Variants in RBFOX1 observed in about 807,000 individuals in gnomAD.
RBFOX1 encodes RNA binding protein fox-1 homolog 1.
A neutral mutation model predicts 57.7 loss-of-function variants in RBFOX1; 8 were observed. The ratio of observed to expected loss-of-function variants is 0.14; its 90% CI spans 0.08 to 0.25. RBFOX1 has a LOEUF of 0.25. Ranked by LOEUF, RBFOX1 falls within the 10% of genes least tolerant of loss-of-function variation. The probability of loss-of-function intolerance (pLI) is 1.00; values close to 1 mark genes in which losing one functional copy is unlikely to be tolerated. For missense variants in RBFOX1, 611 were observed against 548.5 expected (o/e 1.11, Z -1.14); for synonymous variants, 326 against 222.4 (o/e 1.47, Z -4.15).
intron 1 of RBFOX1, among the ~76,000 whole-genome samples, chr16:5,438,186 C>T (rs187259981): frequency 1.9e-4 from 29 of 152,210 alleles, no homozygotes; most frequent in South Asian, 1.7e-3. Flanking sequence ...GCTTGTTAGG[C>T]GACAAAACTA....
At chr16:5,508,345 A>T (rs888879979) in intron 2 of RBFOX1, among the ~76,000 whole-genome samples, 1 of 152,154 alleles carries the variant, frequency 6.6e-6, no homozygotes, top group Non-Finnish European at 1.5e-5. Context: ...AACTACCTGC[A>T]TCTCCCCACT....
intron 5 of RBFOX1, among the ~76,000 whole-genome samples, chr16:7,565,088 C>G (rs1311839425): frequency 1.3e-5 from 2 of 152,130 alleles, no homozygotes; most frequent in African/African-American, 2.4e-5. Flanking sequence ...GCACGAGCCC[C>G]GTTTTGAAGT....
chr16:7,281,204 T>C (rs2095537109), intron 4 of RBFOX1, among the ~76,000 whole-genome samples: 1 of 151,882 alleles, frequency 6.6e-6, no homozygotes, highest in Admixed American at 6.6e-5. Flanking sequence ...GGCTTCACTG[T>C]GTTGGCCAAG....
intron 1 of RBFOX1, among the ~76,000 whole-genome samples, chr16:6,026,319 T>C (rs1479739207): frequency 3.9e-5 from 6 of 152,238 alleles, no homozygotes; most frequent in Non-Finnish European, 7.3e-5. Flanking sequence ...TAATGAATTA[T>C]TCCATTTGAT....
At chr16:6,969,662 T>A (rs1354769130) in intron 3 of RBFOX1, among the ~76,000 whole-genome samples, 3 of 152,094 alleles carry the variant, frequency 2.0e-5, no homozygotes, top group African/African-American at 7.2e-5. Context: ...GAGGATGGCT[T>A]GAGTCTGGGA....
chr16:7,195,145 C>A (rs4354958), intron 4 of RBFOX1, among the ~76,000 whole-genome samples: 3 of 152,008 alleles, frequency 2.0e-5, no homozygotes, highest in Admixed American at 6.5e-5. Context: ...TGTTTTGTGC[C>A]TCATATTGCA....
At chr16:7,131,324 C>T (rs922949624) in intron 4 of RBFOX1, among the ~76,000 whole-genome samples, 1 of 126,802 alleles carries the variant, frequency 7.9e-6, no homozygotes, top group Non-Finnish European at 1.6e-5. Flanking sequence ...GCAGCGTGGG[C>T]ATTGCAGCGA....
chr16:7,050,980 G>A (rs2049873707), intron 3 of RBFOX1, among the ~76,000 whole-genome samples: 2 of 151,892 alleles, frequency 1.3e-5, no homozygotes, highest in Non-Finnish European at 2.9e-5. Flanking sequence ...TTTGTTTTTA[G>A]AGAAAGTCAA....
At chr16:5,537,054 C>G (rs2044729030) in intron 2 of RBFOX1, among the ~76,000 whole-genome samples, 1 of 152,190 alleles carries the variant, frequency 6.6e-6, no homozygotes, top group Non-Finnish European at 1.5e-5. Flanking sequence ...CTTTTGAGTA[C>G]TCACTGGAAG....
chr16:6,383,953 AG>A (rs2092046011), intron 2 of RBFOX1, among the ~76,000 whole-genome samples: 1 of 152,118 alleles, frequency 6.6e-6, no homozygotes, highest in African/African-American at 2.4e-5. Context: ...GGGAAAAAAA[AG>A]AGAACAATTT....
chr16:6,687,958 A>G (rs2059679294), intron 3 of RBFOX1, among the ~76,000 whole-genome samples: 1 of 152,248 alleles, frequency 6.6e-6, no homozygotes, highest in African/African-American at 2.4e-5. Flanking sequence ...CAGAAATGAA[A>G]GATGACACAT....
intron 2 of RBFOX1, among the ~76,000 whole-genome samples, chr16:6,613,532 A>G (rs184643532): frequency 1.3e-5 from 2 of 152,312 alleles, no homozygotes; most frequent in East Asian, 3.9e-4. Context: ...ATTGTAAAAT[A>G]TGATATGTTT....
chr16:5,834,241 C>T (rs1240886041), intron 3 of RBFOX1, among the ~76,000 whole-genome samples: 1 of 152,106 alleles, frequency 6.6e-6, no homozygotes, highest in Non-Finnish European at 1.5e-5. Context: ...ATATTGTACC[C>T]AGTAGGTAGT....
intron 4 of RBFOX1, among the ~76,000 whole-genome samples, chr16:5,910,157 G>A (rs959265877): frequency 6.6e-6 from 1 of 152,150 alleles, no homozygotes; most frequent in African/African-American, 2.4e-5. Flanking sequence ...ATGGGGGTTT[G>A]TGAAGCCTTT....
intron 3 of RBFOX1, among the ~76,000 whole-genome samples, chr16:5,845,455 A>G (rs1226710627): frequency 1.3e-5 from 2 of 152,098 alleles, no homozygotes; most frequent in Admixed American, 6.5e-5. Flanking sequence ...GTTTATTTCT[A>G]CAAGAAAGTC....
chr16:7,415,623 A>T (rs2098470702), intron 4 of RBFOX1, among the ~76,000 whole-genome samples: 1 of 152,186 alleles, frequency 6.6e-6, no homozygotes, highest in African/African-American at 2.4e-5. Context: ...AGAACACAGT[A>T]GGTTCCCAGC....
chr16:5,644,541 T>TAGCCCAAGCTA (rs1485307505), intron 3 of RBFOX1, among the ~76,000 whole-genome samples: 2 of 152,224 alleles, frequency 1.3e-5, no homozygotes, highest in African/African-American at 4.8e-5. Flanking sequence ...CATGAGGAGT[T>TAGCCCAAGCTA]AGTCTGAGAT....
At chr16:6,053,515 A>C (rs1457026490) in intron 1 of RBFOX1, among the ~76,000 whole-genome samples, 7 of 152,232 alleles carry the variant, frequency 4.6e-5, no homozygotes, top group Non-Finnish European at 8.8e-5. Context: ...AATATTAGTG[A>C]GTCAAATCAA....
chr16:5,829,895 T>C (rs1234240534), intron 3 of RBFOX1, among the ~76,000 whole-genome samples: 2 of 152,134 alleles, frequency 1.3e-5, no homozygotes, highest in Non-Finnish European at 2.9e-5. Flanking sequence ...CTTTGGTTTT[T>C]TTTTCCCCTT....
Sources: gnomAD v4.1 joint callset for allele counts (sites outside exome capture counted in the v4.1 genomes callset) on GRCh38, gnomAD v4.1.1 for gene constraint, MANE v1.5 for transcripts, NCBI Gene and HGNC (gene_info 2026-07-23, HGNC 2026-07-21) for gene names.